HSPD1: variants seen among roughly 807,000 people sequenced by gnomAD.
The protein encoded by HSPD1 is 60 kDa heat shock protein, mitochondrial.
Under a neutral mutation model 53.0 loss-of-function variants are expected in HSPD1, and 3 were observed. That is an observed-to-expected ratio of 0.06 (90% CI 0.03 to 0.15). The LOEUF (loss-of-function observed/expected upper bound fraction) is 0.15. Among genes scored for constraint, HSPD1 ranks in the 10% least tolerant of loss-of-function variants. The pLI is 1.00. For missense variants in HSPD1, 431 were observed against 694.1 expected, an observed-to-expected ratio of 0.62 and a Z score of 4.26; for synonymous variants, 200 against 228.0, an observed-to-expected ratio of 0.88 and a Z score of 1.10.
intron 6 of HSPD1, 46 bp downstream of exon 6, chr2:197,494,111 T>C: frequency 1.1e-6 from 1 of 944,980 alleles, no homozygotes. Context: ...AGACTCTGTC[T>C]AAAATAATAA....
At chr2:197,491,238 AGTGCAGTGGCGAGATCTC>A (rs1200102079) in intron 7 of HSPD1, among the ~76,000 whole-genome samples, 1 of 143,926 alleles carries the variant, frequency 6.9e-6, no homozygotes, top group African/African-American at 2.6e-5. Flanking sequence ...CCCAGGCTGG[AGTGCAGTGGCGAGATCTC>A]GGCTCACTGC....
At chr2:197,491,090 C>A (rs1461002261) in intron 7 of HSPD1, among the ~76,000 whole-genome samples, 1 of 151,862 alleles carries the variant, frequency 6.6e-6, no homozygotes, top group East Asian at 1.9e-4. Context: ...AAGCTATATG[C>A]TATGTAAACT....
Position 197,488,330 on chromosome 2 carries a change from T to C in HSPD1, c.1377A>G (p.Glu459=). 1.2e-6 allele frequency: 2 copies of C among 1,613,958 alleles called. No individual in the cohort carries two copies. The highest frequency in any genetic ancestry group is 1.7e-6 in the Non-Finnish European group (2 of 1,179,834). The part of the protein sequence containing the change: ...PALDSLTPAN[E]DQKIGIEIIK... ...GTAACTTTTTACCAATTTTTTGATCTTCATTAGCTGGAGTCAATGAGTCCA... is the reference window on the plus strand; with the variant it reads ...GTAACTTTTTACCAATTTTTTGATCCTCATTAGCTGGAGTCAATGAGTCCA... The change falls in exon 10 of 12, where the codon GAA becomes GAG. Residue 459 remains glutamate (E), a synonymous_variant. Transcript: ENST00000388968.
chr2:197,498,929 G>A (rs558757957), intron 1 of HSPD1, 79 bp from the exon 2 acceptor site: 3 of 1,300,040 alleles, frequency 2.3e-6, no homozygotes, highest in African/African-American at 1.5e-5. Flanking sequence ...CTGTGCAACA[G>A]AGCAAGCAAC....
rs547371251 is a variant in HSPD1, at chr2:197,497,288, A to G, written c.279T>C (p.Ile93=). ...SIDLKDKYKN[I]GAKLVQDVAN... ...CAACATCTTGAACAAGTTTAGCTCCAATGTTTTTGTATTTATCTTTTAAGT... is the reference window on the plus strand; with the variant it reads ...CAACATCTTGAACAAGTTTAGCTCCGATGTTTTTGTATTTATCTTTTAAGT... Residue 93 remains isoleucine, a synonymous_variant, in exon 3 of 12, where the codon ATT becomes ATC. Transcript: ENST00000388968. 5 of 1,613,924 alleles carry G rather than the reference A, an allele frequency of 3.1e-6. No homozygotes were observed. Among genetic ancestry groups the G allele is most frequent in the Non-Finnish European group, 4.2e-6 (5 of 1,179,812 alleles).
rs769100059 is a variant in HSPD1, at chr2:197,487,020, ATAAAGG to A, written c.*20_*25del. ...TTGGGCTTCCTGTCACAGTTCATTA[ATAAAGG>A]TAAAGCACTAGTCTAGGAGTTAGAA... On this transcript the variant is annotated 3_prime_UTR_variant, in exon 12 of 12. Transcript: ENST00000388968. The A allele has an allele frequency of 7.3e-6, 8 of 1,101,196 alleles. No individual in the cohort carries two copies. The highest frequency in any genetic ancestry group is 1.5e-5 in the African/African-American group (1 of 64,772). 68.2% of individuals were successfully genotyped at this position (1,101,196 alleles called of 1,614,324 possible).
chr2:197,488,221 A>T, intron 10 of HSPD1, 96 bp downstream of exon 10: 1 of 1,134,384 alleles, frequency 8.8e-7, no homozygotes, highest in African/African-American at 1.5e-5. Flanking sequence ...GTTATTCAGG[A>T]AATGAATGTG....
intron 10 of HSPD1, 85 bp from the exon 11 acceptor site, chr2:197,488,121 G>A (rs2086049096): frequency 9.0e-7 from 1 of 1,110,176 alleles, no homozygotes; most frequent in Non-Finnish European, 1.3e-6. Flanking sequence ...ATTGATGTAG[G>A]GAAATCCCAA....
Position 197,493,482 on chromosome 2 carries a change from A to G in HSPD1, c.711T>C (p.Cys237=), listed in dbSNP as rs1271094914. 6.2e-7 allele frequency: 1 copy of G among 1,609,406 alleles called. No individual in the cohort carries two copies. The highest frequency in any genetic ancestry group is 1.3e-5 in the African/African-American group (1 of 74,888). ...ACAGAACATAGGCATCCTGGAATTC[A>G]CATTTCTGACCTGTAAAAATAATGA... ...YFINTSKGQK[C]EFQDAYVLLS... Residue 237 remains cysteine, a synonymous_variant, in exon 7 of 12, where the codon TGT becomes TGC. Coordinates refer to ENST00000388968, the MANE Select transcript of HSPD1 (RefSeq NM_002156.5).
chr2:197,497,453 A>T, intron 2 of HSPD1, 61 bp from the exon 3 acceptor site: 1 of 1,545,382 alleles, frequency 6.5e-7, no homozygotes, highest in Non-Finnish European at 8.9e-7. Context: ...ATTTTTAAAA[A>T]TGAGCAGTCT....
chr2:197,487,081 C>T lies in HSPD1; in HGVS notation c.1687G>A (p.Gly563Arg), dbSNP rs201713666. Residue 563 changes from glycine (G) to arginine (R), a missense_variant, in exon 12 of 12, where the codon GGA becomes AGA. Gly to Arg is a moderately radical substitution (Grantham distance 125). This residue lies in a region of HSPD1 where 386 missense variants were observed against 657.6 expected (regional missense o/e 0.59). Coordinates refer to ENST00000388968, the MANE Select transcript of HSPD1 (RefSeq NM_002156.5). ...EKDPGMGAMGGMGGGMGGGMF is the reference protein window; with the variant it reads ...EKDPGMGAMGRMGGGMGGGMF Reference sequence around the variant, plus strand: ...CCACCTCCCATACCACCTCCCATTCCACCCATTGCACCCATTCCAGGGTCC... The same window carrying T: ...CCACCTCCCATACCACCTCCCATTCTACCCATTGCACCCATTCCAGGGTCC... 1.3e-6 allele frequency: 2 copies of T among 1,519,998 alleles called. No homozygotes were observed. The highest frequency in any genetic ancestry group is 1.8e-6 in the Non-Finnish European group (2 of 1,094,368). The allele number at this position is 1,519,998 out of a possible 1,614,324, so 94.2% of individuals were successfully genotyped here. A position where few individuals can be genotyped will look rare whatever the true frequency, so the allele number is the denominator to read the frequency against.
chr2:197,490,278 C>T lies in HSPD1; in HGVS notation c.888G>A (p.Gln296=). Residue 296 remains glutamine (Q), a synonymous_variant, in exon 8 of 12, where the codon CAG becomes CAA. Coordinates refer to ENST00000388968, the MANE Select transcript of HSPD1 (RefSeq NM_002156.5). ...ACCCTGGAGCCTTGACTGCCACAAC[C>T]TGAAGACCAACCTTTAGCCTGTTAA... ...LVLNRLKVGL[Q]VVAVKAPGFG... 3.1e-6 allele frequency: 5 copies of T among 1,613,708 alleles called. No homozygotes were observed. Among genetic ancestry groups the T allele is most frequent in the Non-Finnish European group, 4.2e-6 (5 of 1,179,672 alleles).
intron 3 of HSPD1, among the ~76,000 whole-genome samples, chr2:197,495,829 A>T (rs763582391): frequency 1.3e-5 from 2 of 152,226 alleles, no homozygotes; most frequent in African/African-American, 2.4e-5. Context: ...GTTGCGTGGC[A>T]TGTACTTAAA....
In HSPD1 at chr2:197,498,711, A is replaced by G. The variant is rs1056183990; in HGVS notation, c.138T>C (p.Leu46=). 8 of 1,614,034 alleles carry G rather than the reference A, an allele frequency of 5.0e-6. No homozygotes were observed. The highest frequency in any genetic ancestry group is 6.8e-6 in the Non-Finnish European group (8 of 1,180,036). ...ARALMLQGVD[L]LADAVAVTMG... ...TTGTAACGGCCACAGCATCGGCTAA[A>G]AGGTCTACACCTTGAAGCATTAAGG... is the stretch of plus-strand genomic sequence containing the variant. The change falls in exon 2 of 12, where the codon CTT becomes CTC. Residue 46 remains leucine (L), a synonymous_variant. Transcript: ENST00000388968.
At chr2:197,488,908 G>T in intron 9 of HSPD1, 94 bp downstream of exon 9, 2 of 1,285,518 alleles carry the variant, frequency 1.6e-6, no homozygotes, top group Non-Finnish European at 2.3e-6. Flanking sequence ...TCAAGTATTC[G>T]TTTAGTTCTA....
intron 6 of HSPD1, 31 bp from the exon 7 acceptor site, chr2:197,493,523 A>G: frequency 6.8e-7 from 1 of 1,469,876 alleles, no homozygotes; most frequent in Non-Finnish European, 9.5e-7. Flanking sequence ...TCAAAAATAT[A>G]CAAAAAATGA....
intron 1 of HSPD1, chr2:197,499,310 T>C: frequency 5.3e-6 from 1 of 189,170 alleles, no homozygotes; most frequent in Non-Finnish European, 1.1e-5. Flanking sequence ...CCAAGGCTAC[T>C]GTATCAGAGC....
rs376584082 is a variant in HSPD1 at position 197,493,374 on chromosome 2, T to A, written c.819A>T (p.Ile273=). ...IANAHRKPLV[I]IAEDVDGEAL... is the part of the protein sequence containing the mutation. ...CTTCTCCATCAACATCTTCAGCGAT[T>A]ATGACCAAAGGCTTACGGTGAGCAT... The change falls in exon 7 of 12, where the codon ATA becomes ATT. Residue 273 remains isoleucine (I), a synonymous_variant. Transcript: ENST00000388968. 6.6e-5 allele frequency: 107 copies of A among 1,613,774 alleles called. No individual in the cohort carries two copies. The highest frequency in any genetic ancestry group is 8.1e-5 in the Non-Finnish European group (95 of 1,179,846).
At chr2:197,496,855 G>A (rs1177191514) in intron 3 of HSPD1, 3 of 428,052 alleles carry the variant, frequency 7.0e-6, no homozygotes, top group African/African-American at 2.0e-5. Flanking sequence ...AGGATTGCTT[G>A]AGCCCAGGAG....
Sources: gnomAD v4.1 joint callset for allele counts (sites outside exome capture counted in the v4.1 genomes callset) on GRCh38, gnomAD v4.1.1 for gene constraint, gnomAD v4.1.1 regional missense constraint, MANE v1.5 for transcripts, NCBI Gene and HGNC (gene_info 2026-07-23, HGNC 2026-07-21) for gene names.